Variants in IL18R1 observed in about 807,000 individuals in gnomAD.
IL18R1 encodes the protein interleukin-18 receptor 1.
Under a neutral mutation model 48.5 loss-of-function variants are expected in IL18R1, and 40 were observed. The observed-to-expected ratio is 0.82, with a 90% CI of 0.64 to 1.07. IL18R1 has a LOEUF of 1.07. IL18R1 is among the 50% of genes least tolerant of loss of function. The pLI, the probability that IL18R1 is intolerant of heterozygous loss-of-function variation, is 0.00. For missense variants in IL18R1, 596 were observed against 633.7 expected (o/e 0.94, Z 0.64); for synonymous variants, 232 against 225.9 (o/e 1.03, Z -0.24).
At chr2:102,369,913 T>A (rs912358133) in intron 3 of IL18R1, among the ~76,000 whole-genome samples, 1 of 152,192 alleles carries the variant, frequency 6.6e-6, no homozygotes, top group Non-Finnish European at 1.5e-5. Context: ...ACAAAAGGGA[T>A]AGTTTTCAAT....
chr2:102,364,972 C>T (rs1381257781), intron 2 of IL18R1, among the ~76,000 whole-genome samples: 1 of 152,254 alleles, frequency 6.6e-6, no homozygotes, highest in East Asian at 1.9e-4. Flanking sequence ...CACCAGGTCC[C>T]TCCTATGACA....
At position 102,375,983 on chromosome 2, in the gene IL18R1, A is replaced by G. The variant is rs757161434; in HGVS notation, c.545A>G (p.Tyr182Cys). ...AACGCCGAGTTTGAAGATCAGGGGT[A>G]TTACTCCTGCGTGCATTTCCTTCAT... ...KKNAEFEDQG[Y>C]YSCVHFLHHN... is the part of the protein sequence containing the mutation. Residue 182 changes from tyrosine to cysteine, a missense_variant, in exon 5 of 11, where the codon TAT becomes TGT. By Grantham distance (194) the Tyr-to-Cys change is radical. Around this residue, in one of 3 missense-constraint regions of IL18R1, gnomAD observed 360 missense variants for 339.4 expected, o/e 1.06. Transcript: ENST00000233957. 2.5e-6 allele frequency: 4 copies of G among 1,609,506 alleles called. No homozygotes were observed. The highest frequency in any genetic ancestry group is 2.7e-5 in the African/African-American group (2 of 74,770).
At chr2:102,383,654 T>G (rs1680044643) in intron 6 of IL18R1, among the ~76,000 whole-genome samples, 1 of 151,510 alleles carries the variant, frequency 6.6e-6, no homozygotes, top group Non-Finnish European at 1.5e-5. Context: ...ACTACTAACA[T>G]TTTTTTTTGT....
At chr2:102,356,787 G>A (rs955306786) in intron 1 of IL18R1, among the ~76,000 whole-genome samples, 2 of 152,106 alleles carry the variant, frequency 1.3e-5, no homozygotes, top group African/African-American at 2.4e-5. Context: ...GAGGAATTCC[G>A]TCATTTACCC....
At chr2:102,367,333 A>G (rs919037503) in intron 2 of IL18R1, among the ~76,000 whole-genome samples, 3 of 152,112 alleles carry the variant, frequency 2.0e-5, no homozygotes, top group African/African-American at 7.2e-5. Context: ...TTACCAGGGA[A>G]TGTTAGATAG....
chr2:102,391,232 G>GC (rs140764194), intron 9 of IL18R1, among the ~76,000 whole-genome samples: 36,005 of 151,874 alleles, frequency 0.24, 4,731 homozygotes, highest in East Asian at 0.4. Flanking sequence ...TACTTCAGTA[G>GC]CCCCCCTTCC....
chr2:102,360,780 C>T (rs1448147353), intron 1 of IL18R1, among the ~76,000 whole-genome samples: 1 of 152,084 alleles, frequency 6.6e-6, no homozygotes, highest in Non-Finnish European at 1.5e-5. Context: ...ATTAAAAACC[C>T]TTAAAATTCT....
chr2:102,381,657 G>T lies in IL18R1; in HGVS notation c.663G>T (p.Lys221Asn), dbSNP rs202126643. The T allele has an allele frequency of 2.9e-5, 46 of 1,612,730 alleles. No homozygotes were observed. Among genetic ancestry groups the T allele is most frequent in the Non-Finnish European group, 3.9e-5 (46 of 1,178,916 alleles). Residue 221 changes from lysine to asparagine, a missense_variant, in exon 6 of 11, where the codon AAG becomes AAT. By Grantham distance (94) the Lys-to-Asn change is moderately conservative. Around this residue, in one of 3 missense-constraint regions of IL18R1, gnomAD observed 360 missense variants for 339.4 expected, o/e 1.06. Transcript: ENST00000233957. ...SNIVPVLLGP[K>N]LNHVAVELGK... is the part of the protein sequence containing the mutation. Reference sequence around the variant, plus strand: ...TAGTTCCGGTTCTTCTTGGACCAAAGCTTAACCATGTTGCAGTGGAATTAG... The same window carrying T: ...TAGTTCCGGTTCTTCTTGGACCAAATCTTAACCATGTTGCAGTGGAATTAG...
chr2:102,390,032 T>G (rs1680470180), intron 8 of IL18R1, 24 bp from the exon 9 acceptor site: 2 of 1,611,648 alleles, frequency 1.2e-6, no homozygotes, highest in African/African-American at 2.7e-5. Flanking sequence ...TTATTTTCTT[T>G]TCCTTTTTCC....
chr2:102,369,166 G>T (rs867939028), intron 3 of IL18R1, among the ~76,000 whole-genome samples: 1 of 130,098 alleles, frequency 7.7e-6, no homozygotes. Flanking sequence ...TGGGGTAAAG[G>T]AAAAAGAACA....
At chr2:102,376,122 T>C in intron 5 of IL18R1, 59 bp downstream of exon 5, 1 of 1,408,930 alleles carries the variant, frequency 7.1e-7, no homozygotes, top group Non-Finnish European at 9.5e-7. Flanking sequence ...TGGAATTTTT[T>C]CATTCTTCAA....
At chr2:102,383,617 T>C (rs541755934) in intron 6 of IL18R1, among the ~76,000 whole-genome samples, 8 of 152,304 alleles carry the variant, frequency 5.3e-5, no homozygotes, top group African/African-American at 1.9e-4. Context: ...GGAATTGGCA[T>C]ATTTGTCTTT....
intron 9 of IL18R1, among the ~76,000 whole-genome samples, 160 bp from the exon 10 acceptor site, chr2:102,394,309 T>C (rs1029222370): frequency 6.6e-6 from 1 of 152,188 alleles, no homozygotes; most frequent in African/African-American, 2.4e-5. Context: ...ATTGGCTAAT[T>C]GGTTGCTTGG....
chr2:102,378,370 G>A (rs559679379), intron 5 of IL18R1, among the ~76,000 whole-genome samples: 3 of 152,334 alleles, frequency 2.0e-5, no homozygotes, highest in South Asian at 4.1e-4. Flanking sequence ...CAATGACTGA[G>A]TGAGTGTGTG....
In IL18R1 at chr2:102,396,767, G is replaced by T; in HGVS notation, c.1507G>T (p.Asp503Tyr). Residue 503 changes from aspartate to tyrosine, a missense_variant, in exon 11 of 11, where the codon GAT becomes TAT. Physicochemically the swap from Asp to Tyr is radical, Grantham distance 160 (BLOSUM62 -3). This residue lies in a region of IL18R1 where 179 missense variants were observed against 206.1 expected (regional missense o/e 0.87). Coordinates refer to ENST00000233957, the MANE Select transcript of IL18R1 (RefSeq NM_003855.5). ...TCACAGAGTTCTGAAGTGGAAGGCC[G>T]ATAAATCTCTTTCTTATAACTCAAG... ...KSHRVLKWKA[D>Y]KSLSYNSRFW... 1.2e-6 allele frequency: 2 copies of T among 1,613,946 alleles called. No individual in the cohort carries two copies. Among genetic ancestry groups the T allele is most frequent in the Non-Finnish European group, 1.7e-6 (2 of 1,179,796 alleles).
rs1258659170 is a variant in IL18R1, at chr2:102,386,865, C to G, written c.814C>G (p.Pro272Ala). The G allele has an allele frequency of 1.9e-6, 3 of 1,614,018 alleles. No individual in the cohort carries two copies. The highest frequency in any genetic ancestry group is 2.5e-6 in the Non-Finnish European group (3 of 1,179,972). Residue 272 changes from proline (P) to alanine (A), a missense_variant, in exon 8 of 11, where the codon CCA becomes GCA. Pro to Ala is a conservative substitution (Grantham distance 27). Coordinates refer to ENST00000233957, the MANE Select transcript of IL18R1 (RefSeq NM_003855.5). ...HEEKEMRIMT[P>A]EGKWHASKVL... Reference sequence around the variant, plus strand: ...AATTATTTTGCCCTCTTACAGGACTCCAGAAGGCAAATGGCATGCTTCAAA... The same window carrying G: ...AATTATTTTGCCCTCTTACAGGACTGCAGAAGGCAAATGGCATGCTTCAAA...
intron 4 of IL18R1, among the ~76,000 whole-genome samples, chr2:102,372,724 T>A (rs1679341286): frequency 6.6e-6 from 1 of 152,206 alleles, no homozygotes. Context: ...AAACATGGGC[T>A]TTCAGTTTTT....
intron 3 of IL18R1, among the ~76,000 whole-genome samples, chr2:102,369,545 T>G (rs1371374237): frequency 6.6e-6 from 1 of 152,166 alleles, no homozygotes; most frequent in Non-Finnish European, 1.5e-5. Flanking sequence ...GCTTTGACAA[T>G]GGCCTTGAAA....
At chr2:102,369,307 A>C (rs1679106082) in intron 3 of IL18R1, among the ~76,000 whole-genome samples, 1 of 152,236 alleles carries the variant, frequency 6.6e-6, no homozygotes, top group Non-Finnish European at 1.5e-5. Context: ...TATGATCATC[A>C]CTTGGAGATA....
Sources: allele counts gnomAD v4.1 joint callset (sites outside exome capture counted in the v4.1 genomes callset), GRCh38; gene constraint gnomAD v4.1.1; regional missense constraint gnomAD v4.1.1; transcripts MANE v1.5; gene names NCBI Gene and HGNC (gene_info 2026-07-23, HGNC 2026-07-21).